PCDHA9: variants seen among roughly 807,000 people sequenced by gnomAD.
PCDHA9 encodes the protein protocadherin alpha 9, also known as protocadherin alpha-9.
In PCDHA9, 62 loss-of-function variants were observed where a neutral mutation model predicts 62.0. The ratio of observed to expected loss-of-function variants is 1.00; its 90% CI spans 0.81 to 1.23. The LOEUF is 1.23. PCDHA9 is among the 50% of genes most tolerant of loss of function. The pLI, the probability that PCDHA9 is intolerant of heterozygous loss-of-function variation, is 0.00. For missense variants in PCDHA9, 1,205 were observed against 1,249.8 expected (o/e 0.96, Z 0.54); for synonymous variants, 557 against 567.6 (o/e 0.98, Z 0.27).
intron 1 of PCDHA9, chr5:140,928,471 G>A: frequency 6.2e-7 from 1 of 1,614,148 alleles, no homozygotes; most frequent in South Asian, 1.1e-5. Context: ...CCAAGTAGAA[G>A]GCCGGGATGG....
intron 1 of PCDHA9, among the ~76,000 whole-genome samples, chr5:140,962,815 A>C (rs782313534): frequency 3.3e-5 from 5 of 152,242 alleles, no homozygotes; most frequent in Non-Finnish European, 7.3e-5. Flanking sequence ...AACATCAGAG[A>C]TGACCATTTG....
At chr5:140,855,751 T>G in intron 1 of PCDHA9, 1 of 328,292 alleles carries the variant, frequency 3.0e-6, no homozygotes, top group Non-Finnish European at 5.6e-6. Flanking sequence ...ATGTGAGGCT[T>G]TGAAAGTCCA....
chr5:140,851,007 T>G, intron 1 of PCDHA9, 118 bp downstream of exon 1: 1 of 1,436,880 alleles, frequency 7.0e-7, no homozygotes, highest in Non-Finnish European at 9.2e-7. Context: ...CCAGCAGATT[T>G]TTTTTCTGAT....
Position 140,857,793 on chromosome 5 carries a change from G to A in PCDHA9, c.2394+6904G>A, listed in dbSNP as rs782663646. The A allele has an allele frequency of 5.0e-6, 8 of 1,597,706 alleles. No individual in the cohort carries two copies. The Middle Eastern group carries it at 6.9e-4, about 137-fold the overall frequency. ...GGTGCAGTCAGTGAGCTGGTGCTGC[G>A]GTCGGTGGTTGCGGGTCACGTGGTG... is the stretch of plus-strand genomic sequence containing the variant. On this transcript the variant is annotated intron_variant, in intron 1 of 3. Coordinates refer to ENST00000532602, the MANE Select transcript of PCDHA9 (RefSeq NM_031857.2).
intron 1 of PCDHA9, chr5:140,883,711 C>T (rs1554179442): frequency 2.5e-6 from 4 of 1,613,576 alleles, no homozygotes; most frequent in Non-Finnish European, 3.4e-6. Flanking sequence ...CTGCTCAGGA[C>T]GCGGACGCAC....
rs1382379376 is a variant in PCDHA9, at chr5:140,858,936, T to A, written c.2394+8047T>A. On this transcript the variant is annotated intron_variant, in intron 1 of 3. Transcript: ENST00000532602. ...TATACTGCCATAGTAGATTTCAATG[T>A]TCAGTGATTACAGCTTTTTCTCAAT... The A allele has an allele frequency of 1.2e-5, 2 of 160,734 alleles. 1 individual carries two copies. Among genetic ancestry groups the A allele is most frequent in the Non-Finnish European group, 2.7e-5 (2 of 74,452 alleles). The allele number at this position is 160,734 out of a possible 1,614,324, so 10.0% of individuals were successfully genotyped here.
chr5:140,863,257 C>G (rs1158491669), intron 1 of PCDHA9: 1 of 1,442,346 alleles, frequency 6.9e-7, no homozygotes, highest in Non-Finnish European at 9.4e-7. Context: ...CGTCGAGGTC[C>G]GGGAGGCAGC....
chr5:140,868,762 A>G (rs2050634437), intron 1 of PCDHA9: 1 of 233,926 alleles, frequency 4.3e-6, no homozygotes, highest in African/African-American at 2.3e-5. Flanking sequence ...ATATATATTT[A>G]GTTTCAATAT....
chr5:141,009,651 C>A lies in PCDHA9; in HGVS notation c.2567C>A (p.Pro856His). 1 of 1,613,950 alleles carries A rather than the reference C, an allele frequency of 6.2e-7. No individual in the cohort carries two copies. The highest frequency in any genetic ancestry group is 8.5e-7 in the Non-Finnish European group (1 of 1,179,936). Residue 856 changes from proline (P) to histidine (H), a missense_variant, in exon 4 of 4, where the codon CCT (proline) becomes CAT (histidine). By Grantham distance (77) the Pro-to-His change is moderately conservative. Coordinates refer to ENST00000532602, the MANE Select transcript of PCDHA9 (RefSeq NM_031857.2). Reference protein sequence around the residue: ...TPEPEAGEVSPPVGAGVNSNS... With the variant: ...TPEPEAGEVSHPVGAGVNSNS... ...GAACCAGAGGCAGGAGAAGTGTCCC[C>A]TCCAGTCGGTGCGGGTGTCAACAGC...
chr5:140,917,874 C>T (rs1240832097), intron 1 of PCDHA9, among the ~76,000 whole-genome samples: 2 of 151,008 alleles, frequency 1.3e-5, no homozygotes, highest in African/African-American at 4.9e-5. Context: ...ACTATTTGGG[C>T]TCTTTTTTTT....
At chr5:140,984,751 T>A (rs2097118127) in intron 3 of PCDHA9, among the ~76,000 whole-genome samples, 1 of 152,158 alleles carries the variant, frequency 6.6e-6, no homozygotes. Context: ...CAGATTTGAG[T>A]TGAATTCTAA....
intron 1 of PCDHA9, among the ~76,000 whole-genome samples, chr5:140,958,989 A>C (rs2095457963): frequency 6.6e-6 from 1 of 152,064 alleles, no homozygotes; most frequent in Non-Finnish European, 1.5e-5. Flanking sequence ...TATTGTTGCT[A>C]ATCTTTTACT....
At chr5:140,980,448 G>A (rs1333028932) in intron 2 of PCDHA9, among the ~76,000 whole-genome samples, 7 of 152,122 alleles carry the variant, frequency 4.6e-5, no homozygotes, top group African/African-American at 9.7e-5. Flanking sequence ...TGGACAACAC[G>A]GTGAAACCCT....
chr5:140,865,532 C>T (rs1340228056), intron 1 of PCDHA9: 1 of 152,096 alleles, frequency 6.6e-6, no homozygotes, highest in Non-Finnish European at 1.5e-5. Context: ...TTCTCTTCAT[C>T]CATAGCTATA....
chr5:140,871,635 A>G, intron 1 of PCDHA9: 1 of 1,364,150 alleles, frequency 7.3e-7, no homozygotes, highest in Non-Finnish European at 9.8e-7. Context: ...ATGTCTGTTC[A>G]TAAAATACCA....
chr5:140,886,122 C>T (rs1394228638), intron 1 of PCDHA9, among the ~76,000 whole-genome samples: 1 of 152,116 alleles, frequency 6.6e-6, no homozygotes, highest in Non-Finnish European at 1.5e-5. Context: ...AACATAGTTC[C>T]GTAACAACCA....
At chr5:140,862,305 C>T (rs953461441) in intron 1 of PCDHA9, 3 of 278,650 alleles carry the variant, frequency 1.1e-5, no homozygotes, top group Non-Finnish European at 2.1e-5. Flanking sequence ...CCACTGGGTA[C>T]CGTCATAGCC....
intron 2 of PCDHA9, among the ~76,000 whole-genome samples, chr5:140,981,928 T>A (rs141616160): frequency 6.6e-6 from 1 of 152,202 alleles, no homozygotes; most frequent in African/African-American, 2.4e-5. Context: ...GTTTCTCTAG[T>A]CTCAGGAAAT....
rs782499527 is a variant in PCDHA9, at chr5:140,871,070, C to T, written c.2394+20181C>T. ...GTACTGGTGAAGGATCACGGTGAGC[C>T]GGCGCTGACGGCCACGGCCACCGTG... On this transcript the variant is annotated intron_variant, in intron 1 of 3. Transcript: ENST00000532602. 11 of 1,613,094 alleles carry T rather than the reference C, an allele frequency of 6.8e-6. No homozygotes were observed. The South Asian group carries it at 9.9e-5, about 14-fold the overall frequency.
Sources: allele counts gnomAD v4.1 joint callset (sites outside exome capture counted in the v4.1 genomes callset), GRCh38; gene constraint gnomAD v4.1.1; transcripts MANE v1.5; gene names NCBI Gene and HGNC (gene_info 2026-07-23, HGNC 2026-07-21).